Variants in FAS observed in about 807,000 individuals in gnomAD.
FAS encodes the protein tumor necrosis factor receptor superfamily member 6.
FAS carries 5 observed loss-of-function variants against 33.2 expected under a neutral mutation model. The ratio of observed to expected loss-of-function variants is 0.15; its 90% CI spans 0.08 to 0.32. FAS has a LOEUF of 0.32. Ranked by LOEUF, FAS falls within the 10% of genes least tolerant of loss-of-function variation. FAS has a pLI of 1.00. For missense variants in FAS, 339 were observed against 386.0 expected (o/e 0.88, Z 1.02); for synonymous variants, 131 against 130.7 (o/e 1.00, Z -0.01).
At chr10:89,007,118 A>G (rs1848271877) in intron 2 of FAS, among the ~76,000 whole-genome samples, 1 of 152,364 alleles carries the variant, frequency 6.6e-6, no homozygotes, top group South Asian at 2.1e-4. Flanking sequence ...AAATATTACT[A>G]TCTCCATCAT....
intron 3 of FAS, among the ~76,000 whole-genome samples, chr10:89,008,411 A>G (rs748358344): frequency 2.0e-5 from 3 of 152,218 alleles, no homozygotes; most frequent in Non-Finnish European, 4.4e-5. Flanking sequence ...CTATAAAGCA[A>G]TGTTTCTCAT....
intron 2 of FAS, among the ~76,000 whole-genome samples, chr10:88,979,343 A>C (rs2133343742): frequency 6.6e-6 from 1 of 152,288 alleles, no homozygotes; most frequent in East Asian, 1.9e-4. Context: ...TAGGAAGGGA[A>C]GACTTGTGGC....
chr10:88,991,689 GC>G (rs1847231187), intron 1 of FAS: 1 of 152,400 alleles, frequency 6.6e-6, no homozygotes, highest in African/African-American at 2.4e-5. Context: ...TTCTTCTTTT[GC>G]CCTTTCTTAG....
chr10:88,986,818 A>G (rs1224151956), upstream of FAS, among the ~76,000 whole-genome samples: 1 of 152,216 alleles, frequency 6.6e-6, no homozygotes. Context: ...AAGCCATTTA[A>G]CTTACTTTTT....
upstream of FAS, among the ~76,000 whole-genome samples, chr10:88,985,722 G>A (rs1191550172): frequency 6.6e-6 from 1 of 152,148 alleles, no homozygotes; most frequent in Non-Finnish European, 1.5e-5. Flanking sequence ...CTGTTCTGAT[G>A]TCTCTTGTTC....
At chr10:89,007,606 A>G in intron 2 of FAS, 94 bp from the exon 3 acceptor site, 1 of 1,374,190 alleles carries the variant, frequency 7.3e-7, no homozygotes, top group Non-Finnish European at 9.9e-7. Context: ...CTTGTGTTTT[A>G]GAAGAGTTTT....
intron 3 of FAS, 72 bp from the exon 4 acceptor site, chr10:89,008,817 T>C: frequency 7.1e-7 from 1 of 1,400,746 alleles, no homozygotes; most frequent in Non-Finnish European, 1.0e-6. Flanking sequence ...TCCATGCAGC[T>C]CCTGCCCACC....
intron 1 of FAS, among the ~76,000 whole-genome samples, chr10:88,967,283 G>C (rs145850511): frequency 6.6e-6 from 1 of 152,276 alleles, no homozygotes; most frequent in African/African-American, 2.4e-5. Flanking sequence ...TATGATAAAA[G>C]GCATCATCAG....
chr10:89,006,386 G>A (rs1156347760), intron 2 of FAS, among the ~76,000 whole-genome samples: 1 of 152,076 alleles, frequency 6.6e-6, no homozygotes, highest in Admixed American at 6.5e-5. Flanking sequence ...ATATTTACAT[G>A]TCATAATTTG....
chr10:88,996,943 T>G (rs1022108883), intron 1 of FAS, among the ~76,000 whole-genome samples: 2 of 152,186 alleles, frequency 1.3e-5, no homozygotes, highest in African/African-American at 4.8e-5. Context: ...GGCTGTATTT[T>G]AGGACTCTAT....
intron 2 of FAS, among the ~76,000 whole-genome samples, chr10:89,006,068 T>G (rs1339216007): frequency 1.3e-5 from 2 of 152,258 alleles, no homozygotes; most frequent in Middle Eastern, 3.2e-3. Context: ...TTTCTTATTT[T>G]AATAAATTTT....
rs1846299260 is a variant in FAS at position 88,965,225 on chromosome 10, G to A, written n.95-7957G>A. Among the ~76,000 whole-genome samples the A allele has an allele frequency of 2.0e-5, 3 of 152,060 alleles. 1 individual carries two copies. In the South Asian group the frequency reaches 6.2e-4, roughly 32 times the overall value. On this transcript the variant is annotated intron_variant and non_coding_transcript_variant, in intron 1 of 3. Transcript: ENST00000688239. ...ACATTTGCAGTATATTCACCATTAG[G>A]TTGTAAACTTTTGGAGGCAGCCAGT...
chr10:89,004,225 G>A (rs564469596), intron 2 of FAS, among the ~76,000 whole-genome samples: 2 of 152,196 alleles, frequency 1.3e-5, no homozygotes, highest in South Asian at 2.1e-4. Flanking sequence ...ACATCAAACT[G>A]TCAAGGATTT....
At chr10:88,977,585 A>G (rs1430777659) in intron 2 of FAS, among the ~76,000 whole-genome samples, 6 of 151,792 alleles carry the variant, frequency 4.0e-5, no homozygotes, top group Non-Finnish European at 7.4e-5. Context: ...AAAAGTGGGC[A>G]AAGGACATGA....
chr10:89,006,627 C>A (rs1848242879), intron 2 of FAS, among the ~76,000 whole-genome samples: 1 of 152,144 alleles, frequency 6.6e-6, no homozygotes, highest in Admixed American at 6.5e-5. Flanking sequence ...TCTCTATTCC[C>A]TTACCTTCAT....
intron 3 of FAS, 27 bp downstream of exon 3, chr10:89,007,864 G>C: frequency 1.2e-6 from 2 of 1,613,440 alleles, no homozygotes; most frequent in Non-Finnish European, 1.7e-6. Flanking sequence ...GCAATTGAAA[G>C]AGGCCAATCT....
upstream of FAS, among the ~76,000 whole-genome samples, chr10:88,982,059 T>G (rs147509588): frequency 6.6e-6 from 1 of 152,224 alleles, no homozygotes; most frequent in East Asian, 1.9e-4. Context: ...TTAACTGGTA[T>G]GTGTTAGTTC....
intron 1 of FAS, among the ~76,000 whole-genome samples, chr10:88,968,752 A>C (rs535360918): frequency 6.6e-6 from 1 of 152,298 alleles, no homozygotes; most frequent in South Asian, 2.1e-4. Flanking sequence ...AAAATGTTAG[A>C]GGCAGCTGTT....
chr10:88,974,560 C>T (rs1846521786), intron 2 of FAS: 1 of 151,980 alleles, frequency 6.6e-6, no homozygotes. Flanking sequence ...CTATATTGTC[C>T]AGGCTGATCT....
Sources: allele counts gnomAD v4.1 joint callset (sites outside exome capture counted in the v4.1 genomes callset), GRCh38; gene constraint gnomAD v4.1.1; transcripts MANE v1.5; gene names NCBI Gene and HGNC (gene_info 2026-07-23, HGNC 2026-07-21).